The following MGAT5 variants were observed in gnomAD, a reference collection of about 807,000 sequenced individuals.
MGAT5 encodes alpha-1,6-mannosylglycoprotein 6-beta-N-acetylglucosaminyltransferase, also known as alpha-1,6-mannosylglycoprotein 6-beta-N-acetylglucosaminyltransferase A.
A neutral mutation model predicts 94.3 loss-of-function variants in MGAT5; 30 were observed. The observed-to-expected ratio is 0.32, with a 90% confidence interval of 0.24 to 0.43. MGAT5 has a LOEUF of 0.43. MGAT5 is among the 20% of genes least tolerant of loss of function. The pLI, the probability that MGAT5 is intolerant of heterozygous loss-of-function variation, is 1.00. For synonymous variants in MGAT5, 310 were observed against 322.9 expected, an observed-to-expected ratio of 0.96 and a Z score of 0.43; for missense variants, 691 against 905.5, an observed-to-expected ratio of 0.76 and a Z score of 3.04.
chr2:134,134,987 A>G lies in MGAT5; in HGVS notation c.-143+14696A>G, dbSNP rs535328576. ...CATTTTGGAAACTCATGTTACCTGTAGAATTAGCACATCACCTGTATCAGT... is the reference window on the plus strand; with the variant it reads ...CATTTTGGAAACTCATGTTACCTGTGGAATTAGCACATCACCTGTATCAGT... On this transcript the variant is annotated intron_variant, in intron 1 of 16. Coordinates refer to the MGAT5 transcript ENST00000409645. Among the ~76,000 whole-genome samples the G allele has an allele frequency of 2.6e-5, 4 of 152,356 alleles. No homozygotes were observed. The South Asian group carries it at 6.2e-4, about 24-fold the overall frequency.
At chr2:134,258,200 C>T (rs1329871830) in intron 1 of MGAT5, among the ~76,000 whole-genome samples, 1 of 152,182 alleles carries the variant, frequency 6.6e-6, no homozygotes, top group African/African-American at 2.4e-5. Flanking sequence ...AACACCTCCA[C>T]TCCCATTTGT....
chr2:134,276,263 G>A (rs1684366952), intron 2 of MGAT5, among the ~76,000 whole-genome samples: 1 of 151,438 alleles, frequency 6.6e-6, no homozygotes, highest in Non-Finnish European at 1.5e-5. Context: ...ACTATTTTAG[G>A]ATCCTGCCCT....
chr2:134,253,368 G>A (rs150933165), upstream of MGAT5: 1,972 of 152,514 alleles, frequency 0.013, 20 homozygotes, highest in East Asian at 0.028. Flanking sequence ...GGGTGGGCAT[G>A]CTGGTAACCA....
intron 2 of MGAT5, among the ~76,000 whole-genome samples, chr2:134,309,673 A>G (rs1686536031): frequency 6.6e-6 from 1 of 152,092 alleles, no homozygotes; most frequent in African/African-American, 2.4e-5. Flanking sequence ...CTGGCTGACC[A>G]TTTCTAGTAG....
chr2:134,341,757 G>A lies in MGAT5; in HGVS notation c.975G>A (p.Lys325=), dbSNP rs1011824373. 1.9e-6 allele frequency: 3 copies of A among 1,594,580 alleles called. No individual in the cohort carries two copies. In the African/African-American group the frequency reaches 4.1e-5, roughly 22 times the overall value. The change falls in exon 7 of 16, where the codon AAG becomes AAA. Residue 325 remains lysine (K), a splice_region_variant and synonymous_variant. Coordinates refer to ENST00000281923, the MANE Select transcript of MGAT5 (RefSeq NM_002410.5). ...IRISASLAEL[K]EIMKKVVGNR... Reference sequence around the variant, plus strand: ...TTTCAGCTTCACTGGCTGAGCTCAAGGAGTAAGGAGATTACTTTTCAATTT... The same window carrying A: ...TTTCAGCTTCACTGGCTGAGCTCAAAGAGTAAGGAGATTACTTTTCAATTT...
chr2:134,325,005 G>T (rs894813791), intron 4 of MGAT5, among the ~76,000 whole-genome samples: 523 of 27,566 alleles, frequency 0.019, 5 homozygotes, highest in African/African-American at 0.032. Flanking sequence ...CTTAGTAAAA[G>T]AATTTAAAAA....
At chr2:134,381,458 C>CT (rs1681604063) in intron 10 of MGAT5, among the ~76,000 whole-genome samples, 1 of 150,170 alleles carries the variant, frequency 6.7e-6, no homozygotes, top group Non-Finnish European at 1.5e-5. Context: ...CAAGACCTGT[C>CT]TGGTAGGTAG....
chr2:134,278,809 A>G (rs528867048), intron 2 of MGAT5, among the ~76,000 whole-genome samples: 40 of 152,252 alleles, frequency 2.6e-4, no homozygotes, highest in Middle Eastern at 3.4e-3. Flanking sequence ...GTTTTTGTCC[A>G]CAGCCTGGCA....
chr2:134,369,030 CT>C (rs11437682), intron 10 of MGAT5, among the ~76,000 whole-genome samples: 2 of 152,026 alleles, frequency 1.3e-5, no homozygotes, highest in Non-Finnish European at 2.9e-5. Flanking sequence ...ATATAATTAT[CT>C]TTTTTTGTCA....
chr2:134,441,992 A>ATACCTCTCAC, intron 15 of MGAT5, 77 bp downstream of exon 15: 1 of 1,520,274 alleles, frequency 6.6e-7, no homozygotes, highest in Non-Finnish European at 9.0e-7. Flanking sequence ...GGTGAGAGGT[A>ATACCTCTCAC]CAGGTTTCCT....
intron 11 of MGAT5, among the ~76,000 whole-genome samples, chr2:134,409,221 T>C (rs1046276257): frequency 6.6e-6 from 1 of 152,204 alleles, no homozygotes; most frequent in African/African-American, 2.4e-5. Context: ...TTGGAATGAA[T>C]CCTTTCCATG....
intron 1 of MGAT5, among the ~76,000 whole-genome samples, chr2:134,194,487 T>G (rs892601115): frequency 2.0e-5 from 3 of 152,198 alleles, no homozygotes; most frequent in Admixed American, 6.5e-5. Flanking sequence ...ATATTACCTC[T>G]AAGTCTACTT....
At chr2:134,356,565 A>G (rs1032663938) in intron 9 of MGAT5, among the ~76,000 whole-genome samples, 2 of 152,190 alleles carry the variant, frequency 1.3e-5, no homozygotes, top group African/African-American at 4.8e-5. Flanking sequence ...CGCAAAAATA[A>G]GACTTTCTCA....
Position 134,407,821 on chromosome 2 carries a change from T to C in MGAT5, c.1530+4684T>C, listed in dbSNP as rs114134560. On this transcript the variant is annotated intron_variant, in intron 11 of 15. Coordinates refer to ENST00000281923, the MANE Select transcript of MGAT5 (RefSeq NM_002410.5). ...ACGCTGAGTGGGGCCAACAGTTCAG[T>C]TGTGTAAAATGTGGTTCTGTGACTT... Among the ~76,000 whole-genome samples the C allele has an allele frequency of 2.3e-3, 354 of 151,846 alleles. 1 individual carries two copies. The highest frequency in any genetic ancestry group is 0.01 in the Middle Eastern group (3 of 294).
chr2:134,169,625 A>T (rs1331753209), intron 1 of MGAT5, among the ~76,000 whole-genome samples: 1 of 152,228 alleles, frequency 6.6e-6, no homozygotes, highest in Non-Finnish European at 1.5e-5. Context: ...ACAGCACCTG[A>T]TGTGAAAATC....
At chr2:134,166,000 C>T (rs936362050) in intron 1 of MGAT5, among the ~76,000 whole-genome samples, 1 of 152,136 alleles carries the variant, frequency 6.6e-6, no homozygotes, top group South Asian at 2.1e-4. Flanking sequence ...CCTGAGGCTC[C>T]TAGTGTCTCG....
intron 1 of MGAT5, among the ~76,000 whole-genome samples, chr2:134,140,121 G>A (rs1686593078): frequency 6.6e-6 from 1 of 152,346 alleles, no homozygotes; most frequent in African/African-American, 2.4e-5. Flanking sequence ...CCACTGGGTT[G>A]TGTGAGCCAC....
chr2:134,195,532 T>A (rs994690952), intron 1 of MGAT5, among the ~76,000 whole-genome samples: 3 of 152,226 alleles, frequency 2.0e-5, no homozygotes, highest in Non-Finnish European at 4.4e-5. Flanking sequence ...ATACCCTGTT[T>A]TTATCTCCCA....
chr2:134,314,962 A>T (rs1686914329), intron 2 of MGAT5, among the ~76,000 whole-genome samples: 1 of 152,186 alleles, frequency 6.6e-6, no homozygotes, highest in South Asian at 2.1e-4. Context: ...TGACAACAGC[A>T]GAGTTGAGTA....
Sources: gnomAD v4.1 joint callset for allele counts (sites outside exome capture counted in the v4.1 genomes callset) on GRCh38, gnomAD v4.1.1 for gene constraint, MANE v1.5 for transcripts, NCBI Gene and HGNC (gene_info 2026-07-23, HGNC 2026-07-21) for gene names.